GSG1L: variants seen among roughly 807,000 people sequenced by gnomAD.
GSG1L encodes germ cell-specific gene 1-like protein.
In GSG1L, 24 loss-of-function variants were observed where a neutral mutation model predicts 42.1. The ratio of observed to expected loss-of-function variants is 0.57; its 90% confidence interval spans 0.41 to 0.80. The LOEUF is 0.80. Ranked by LOEUF, GSG1L falls within the 30% of genes least tolerant of loss-of-function variation. GSG1L has a pLI of 0.00. For missense variants in GSG1L, 445 were observed against 472.2 expected, an observed-to-expected ratio of 0.94 and a Z score of 0.53; for synonymous variants, 215 against 203.5, an observed-to-expected ratio of 1.06 and a Z score of -0.48.
chr16:27,901,114 C>T (rs1002984897), intron 2 of GSG1L, among the ~76,000 whole-genome samples: 5 of 152,070 alleles, frequency 3.3e-5, no homozygotes, highest in African/African-American at 4.8e-5. Flanking sequence ...GGTGACAGAG[C>T]GAGACGCTGT....
rs1374012580 is a variant in GSG1L at position 27,788,312 on chromosome 16, T to G, written c.*3058A>C. The stretch of plus-strand genomic sequence containing the variant: ...TTCTCTTTCTTGAGTGTAAGAGGGA[T>G]GAGGAAGGGAGAAGCATCTCCCACA... On this transcript the variant is annotated 3_prime_UTR_variant, in exon 7 of 7. Coordinates refer to ENST00000447459, the MANE Select transcript of GSG1L (RefSeq NM_001109763.2). 1 of 152,150 alleles carries G rather than the reference T, an allele frequency of 6.6e-6. No individual in the cohort carries two copies. The highest frequency in any genetic ancestry group is 1.9e-4 in the East Asian group (1 of 5,202). 9.4% of individuals were successfully genotyped at this position (152,150 alleles called of 1,614,324 possible).
At chr16:28,049,334 TTGA>T (rs1419094938) in intron 1 of GSG1L, among the ~76,000 whole-genome samples, 2 of 152,168 alleles carry the variant, frequency 1.3e-5, no homozygotes, top group African/African-American at 4.8e-5. Flanking sequence ...TTTGCAACTC[TTGA>T]TGAAGAAATT....
chr16:27,995,068 C>A (rs1469239556), intron 1 of GSG1L, among the ~76,000 whole-genome samples: 1 of 152,204 alleles, frequency 6.6e-6, no homozygotes, highest in East Asian at 1.9e-4. Context: ...CCTACAGCAT[C>A]CCCAAGTTCA....
At chr16:27,815,573 T>C (rs980123997) in intron 5 of GSG1L, among the ~76,000 whole-genome samples, 1 of 152,118 alleles carries the variant, frequency 6.6e-6, no homozygotes, top group Non-Finnish European at 1.5e-5. Context: ...ATGCTTGGTG[T>C]GAAACAGTGC....
intron 3 of GSG1L, among the ~76,000 whole-genome samples, chr16:27,869,236 A>G (rs564695650): frequency 5.9e-5 from 9 of 151,598 alleles, no homozygotes; most frequent in Admixed American, 5.2e-4. Context: ...GGAGGTGGAG[A>G]GAACAGAAGA....
intron 2 of GSG1L, among the ~76,000 whole-genome samples, chr16:27,939,752 C>T (rs2084765009): frequency 6.6e-6 from 1 of 152,216 alleles, no homozygotes; most frequent in Non-Finnish European, 1.5e-5. Flanking sequence ...GAAGGGATGT[C>T]AGAGAATATG....
intron 2 of GSG1L, among the ~76,000 whole-genome samples, chr16:27,932,657 A>G (rs796885251): frequency 6.6e-6 from 1 of 152,234 alleles, no homozygotes; most frequent in African/African-American, 2.4e-5. Context: ...AGCATTGGGG[A>G]TTATAGATTT....
intron 3 of GSG1L, among the ~76,000 whole-genome samples, chr16:27,857,639 G>A (rs1335063909): frequency 6.6e-6 from 1 of 152,020 alleles, no homozygotes; most frequent in East Asian, 1.9e-4. Context: ...CCCCGGGGAA[G>A]CCTATCTTAA....
intron 6 of GSG1L, among the ~76,000 whole-genome samples, chr16:27,806,673 A>G (rs1447749179): frequency 1.3e-5 from 2 of 152,216 alleles, no homozygotes; most frequent in Non-Finnish European, 2.9e-5. Context: ...AGAGATGCAG[A>G]TACAGATAGA....
rs1386645292 is a variant in GSG1L at position 27,884,519 on chromosome 16, T to C, written c.517A>G (p.Asn173Asp). 1.3e-5 allele frequency: 21 copies of C among 1,613,942 alleles called. No homozygotes were observed. The highest frequency in any genetic ancestry group is 1.5e-5 in the Non-Finnish European group (18 of 1,179,956). The change falls in exon 3 of 7, where the codon AAT (asparagine) becomes GAT (aspartate). Residue 173 changes from asparagine to aspartate, a missense_variant. Physicochemically the swap from Asn to Asp is conservative, Grantham distance 23 (BLOSUM62 1). Around this residue, in one of 3 missense-constraint regions of GSG1L, gnomAD observed 149 missense variants for 223.3 expected, o/e 0.67. Transcript: ENST00000447459. The surrounding 1 kb of genome is among the most constrained non-coding windows in gnomAD (Gnocchi z 4.4). ...SSNVIDGLKL[N>D]AFAAVFTVLS... ...ACCGTGAAGACAGCCGCGAAGGCAT[T>C]GAGCTTGAGCCCGTCGATGACATTG...
intron 1 of GSG1L, among the ~76,000 whole-genome samples, chr16:28,025,529 C>T (rs2085891119): frequency 1.3e-5 from 2 of 152,244 alleles, no homozygotes; most frequent in South Asian, 4.1e-4. Flanking sequence ...TCAACCCTCC[C>T]TGGCTCCGCA....
chr16:27,853,846 C>T (rs2083543127), intron 3 of GSG1L, among the ~76,000 whole-genome samples: 2 of 152,158 alleles, frequency 1.3e-5, no homozygotes, highest in African/African-American at 4.8e-5. Flanking sequence ...GCCATGGCCG[C>T]AGGACCTAGT....
chr16:27,960,500 A>G (rs1439814171), intron 2 of GSG1L, among the ~76,000 whole-genome samples: 1 of 152,228 alleles, frequency 6.6e-6, no homozygotes, highest in Non-Finnish European at 1.5e-5. Context: ...GAGCCATAAC[A>G]TAGGGAAAGA....
chr16:28,054,277 A>G (rs528235855), intron 1 of GSG1L, among the ~76,000 whole-genome samples: 1 of 152,184 alleles, frequency 6.6e-6, no homozygotes, highest in East Asian at 1.9e-4. Context: ...TCCCATCCCC[A>G]GTCCCCACCA....
chr16:27,865,564 TATATATATACAC>T lies in GSG1L; in HGVS notation c.550+18910_550+18921del, dbSNP rs1216961089. Among the ~76,000 whole-genome samples the T allele has an allele frequency of 1.1e-3, 21 of 19,598 alleles. 3 individuals carry two copies. The highest frequency in any genetic ancestry group is 9.9e-3 in the East Asian group (6 of 604). The allele number at this position is 19,598 out of a possible 152,430, so 12.9% of individuals were successfully genotyped here. On this transcript the variant is annotated intron_variant, in intron 3 of 6. Coordinates refer to ENST00000447459, the MANE Select transcript of GSG1L (RefSeq NM_001109763.2). ...ATATATATATATATATATATATATA[TATATATATACAC>T]ACACACATACATACATACACACACA... is the stretch of plus-strand genomic sequence containing the variant.
intron 1 of GSG1L, among the ~76,000 whole-genome samples, chr16:28,055,478 AT>A (rs111334553): frequency 6.7e-4 from 97 of 145,386 alleles, no homozygotes; most frequent in Middle Eastern, 3.8e-3. Flanking sequence ...ATTTTTTTTA[AT>A]TTTTTTTTTT....
chr16:27,861,897 G>T (rs2083657258), intron 3 of GSG1L, among the ~76,000 whole-genome samples: 1 of 152,152 alleles, frequency 6.6e-6, no homozygotes. Flanking sequence ...AAATGCCAAA[G>T]CAGATTCATC....
intron 2 of GSG1L, among the ~76,000 whole-genome samples, chr16:27,940,860 A>G (rs1357205364): frequency 7.4e-6 from 1 of 135,362 alleles, no homozygotes; most frequent in Non-Finnish European, 1.6e-5. Context: ...TAATAATAAT[A>G]AAATAAAATA....
intron 1 of GSG1L, among the ~76,000 whole-genome samples, chr16:27,982,378 G>T (rs994736130): frequency 2.0e-5 from 3 of 152,202 alleles, no homozygotes; most frequent in African/African-American, 7.2e-5. Flanking sequence ...CCGCATCCCA[G>T]TGGGGTCATG....
Sources: allele counts gnomAD v4.1 joint callset (sites outside exome capture counted in the v4.1 genomes callset), GRCh38; gene constraint gnomAD v4.1.1; regional missense constraint gnomAD v4.1.1; non-coding constraint Gnocchi (gnomAD v3.1); transcripts MANE v1.5; gene names NCBI Gene and HGNC (gene_info 2026-07-23, HGNC 2026-07-21).